The following GGACT variants were observed in gnomAD, a reference collection of about 807,000 sequenced individuals.
The protein encoded by GGACT is gamma-glutamylaminecyclotransferase.
For missense variants in GGACT, 241 were observed against 233.2 expected (o/e 1.03, Z -0.22); for synonymous variants, 118 against 115.3 (o/e 1.02, Z -0.15).
intron 2 of GGACT, among the ~76,000 whole-genome samples, chr13:100,562,678 C>A (rs893944994): frequency 5.9e-5 from 9 of 152,072 alleles, no homozygotes. Flanking sequence ...TGCCGGTAAT[C>A]CCAGCTACTT....
chr13:100,570,497 G>A (rs1478206464), intron 2 of GGACT, among the ~76,000 whole-genome samples: 8 of 152,192 alleles, frequency 5.3e-5, no homozygotes, highest in Non-Finnish European at 1.0e-4. Flanking sequence ...CCGCTGCCAT[G>A]ATTCAGTTAT....
Position 100,531,240 on chromosome 13 carries a change from C to T in GGACT, c.*890G>A, listed in dbSNP as rs1393376044. 6.8e-6 allele frequency: 1 copy of T among 147,324 alleles called. No homozygotes were observed. Among genetic ancestry groups the T allele is most frequent in the African/African-American group, 2.5e-5 (1 of 39,836 alleles). 9.1% of individuals were successfully genotyped at this position (147,324 alleles called of 1,614,324 possible). A position where few individuals can be genotyped will look rare whatever the true frequency, so the allele number is the denominator to read the frequency against. ...GGTGGGTAGTAATTGGTACTTCGTG[C>T]CTTGCTAAAATTATTTTAAGTGCTG... On this transcript the variant is annotated 3_prime_UTR_variant, in exon 3 of 3. Transcript: ENST00000683975.
chr13:100,585,946 G>A (rs1398019686), intron 1 of GGACT, among the ~76,000 whole-genome samples: 1 of 151,324 alleles, frequency 6.6e-6, no homozygotes, highest in Non-Finnish European at 1.5e-5. Flanking sequence ...CGAGGTTACA[G>A]TGAGCCATGA....
chr13:100,570,419 G>T (rs1240074995), intron 2 of GGACT, among the ~76,000 whole-genome samples: 1 of 152,136 alleles, frequency 6.6e-6, no homozygotes, highest in Admixed American at 6.5e-5. Flanking sequence ...CCCATGAAGG[G>T]GGAAGCCCCT....
intron 2 of GGACT, among the ~76,000 whole-genome samples, chr13:100,560,784 T>C (rs1404975110): frequency 6.6e-6 from 1 of 152,260 alleles, no homozygotes; most frequent in Non-Finnish European, 1.5e-5. Flanking sequence ...GCCAAGGTTT[T>C]TGGTGTCAGT....
At chr13:100,588,208 A>C (rs988648768) in intron 1 of GGACT, among the ~76,000 whole-genome samples, 1 of 152,216 alleles carries the variant, frequency 6.6e-6, no homozygotes, top group Non-Finnish European at 1.5e-5. Context: ...CAAGGCAGTA[A>C]ATTTCTTCAA....
Position 100,530,207 on chromosome 13 carries a change from C to T in GGACT, c.*1923G>A. On this transcript the variant is annotated 3_prime_UTR_variant, in exon 3 of 3. Coordinates refer to ENST00000683975, the MANE Select transcript of GGACT (RefSeq NM_001195087.2). ...TCAGTCATCACCCAATTTAATTAGC[C>T]ATTTGCATGATGCTTTCACACACAA... The T allele has an allele frequency of 6.9e-7, 1 of 1,451,650 alleles. No individual in the cohort carries two copies. The highest frequency in any genetic ancestry group is 9.7e-7 in the Non-Finnish European group (1 of 1,032,280). The allele number at this position is 1,451,650 out of a possible 1,614,324, so 89.9% of individuals were successfully genotyped here. A position where few individuals can be genotyped will look rare whatever the true frequency, so the allele number is the denominator to read the frequency against.
At chr13:100,572,457 T>A (rs1166726478) in intron 2 of GGACT, among the ~76,000 whole-genome samples, 1 of 152,208 alleles carries the variant, frequency 6.6e-6, no homozygotes, top group Non-Finnish European at 1.5e-5. Flanking sequence ...ATGAAAATGT[T>A]CTCAAGGTTG....
chr13:100,538,015 T>G (rs1034356345), intron 2 of GGACT: 1 of 152,266 alleles, frequency 6.6e-6, no homozygotes, highest in African/African-American at 2.4e-5. Flanking sequence ...TCTGGGACCT[T>G]GCTTACCGAC....
intron 2 of GGACT, chr13:100,540,093 G>A: frequency 6.5e-7 from 1 of 1,542,356 alleles, no homozygotes; most frequent in South Asian, 1.1e-5. Flanking sequence ...CTTCAGAAAT[G>A]TCCCTGACTG....
chr13:100,585,545 A>G (rs553917730), intron 1 of GGACT, among the ~76,000 whole-genome samples: 213 of 152,186 alleles, frequency 1.4e-3, no homozygotes, highest in African/African-American at 4.8e-3. Context: ...AGGCAGGTGG[A>G]TCACTTGAGT....
chr13:100,530,393 C>G lies in GGACT; in HGVS notation c.*1737G>C. 1 of 601,610 alleles carries G rather than the reference C, an allele frequency of 1.7e-6. No homozygotes were observed. Among genetic ancestry groups the G allele is most frequent in the Non-Finnish European group, 3.0e-6 (1 of 337,722 alleles). The allele number at this position is 601,610 out of a possible 1,614,324, so 37.3% of individuals were successfully genotyped here. A position where few individuals can be genotyped will look rare whatever the true frequency, so the allele number is the denominator to read the frequency against. On this transcript the variant is annotated 3_prime_UTR_variant, in exon 3 of 3. Coordinates refer to ENST00000683975, the MANE Select transcript of GGACT (RefSeq NM_001195087.2). The stretch of plus-strand genomic sequence containing the variant: ...ATTTGTACTTCTGCTGTGAGATTCC[C>G]TAGTGTCAAAATTAAATCAATAAAA...
At chr13:100,570,278 T>C (rs1875041312) in intron 2 of GGACT, among the ~76,000 whole-genome samples, 1 of 152,142 alleles carries the variant, frequency 6.6e-6, no homozygotes, top group Non-Finnish European at 1.5e-5. Context: ...GACTGGGTAA[T>C]TTATAAAAGG....
At chr13:100,571,983 G>A (rs1875095749) in intron 2 of GGACT, among the ~76,000 whole-genome samples, 2 of 152,060 alleles carry the variant, frequency 1.3e-5, no homozygotes, top group South Asian at 4.1e-4. Context: ...CTAGTTATCT[G>A]GTATGGTTGA....
intron 2 of GGACT, among the ~76,000 whole-genome samples, chr13:100,575,785 A>G (rs1004081530): frequency 2.6e-5 from 4 of 152,164 alleles, no homozygotes; most frequent in Non-Finnish European, 4.4e-5. Context: ...AAACACTACA[A>G]TGGTGTTTGC....
Position 100,530,260 on chromosome 13 carries a change from C to T in GGACT, c.*1870G>A, listed in dbSNP as rs1245226855. ...GATTCAAGCATTATACAGGAACACC[C>T]CTGTGCAGCTACGTTTACGTCGTCA... On this transcript the variant is annotated 3_prime_UTR_variant, in exon 3 of 3. Transcript: ENST00000683975. 3 of 992,020 alleles carry T rather than the reference C, an allele frequency of 3.0e-6. No individual in the cohort carries two copies. The South Asian group carries it at 4.0e-5, about 13-fold the overall frequency. The allele number at this position is 992,020 out of a possible 1,614,324, so 61.5% of individuals were successfully genotyped here. A position where few individuals can be genotyped will look rare whatever the true frequency, so the allele number is the denominator to read the frequency against.
intron 2 of GGACT, among the ~76,000 whole-genome samples, chr13:100,548,289 T>C (rs1326500871): frequency 6.6e-6 from 1 of 152,242 alleles, no homozygotes; most frequent in Admixed American, 6.5e-5. Flanking sequence ...AAAATATATA[T>C]TAGTGTTTTG....
At chr13:100,584,468 C>T (rs1451393004) in intron 1 of GGACT, among the ~76,000 whole-genome samples, 1 of 151,646 alleles carries the variant, frequency 6.6e-6, no homozygotes, top group African/African-American at 2.4e-5. Flanking sequence ...TGATGGTTAC[C>T]AGAGGCTAGG....
chr13:100,564,302 A>G (rs2088791288), intron 2 of GGACT, among the ~76,000 whole-genome samples: 1 of 152,226 alleles, frequency 6.6e-6, no homozygotes, highest in Non-Finnish European at 1.5e-5. Context: ...AAGAGGATTC[A>G]TGATGCTCTG....
Sources: gnomAD v4.1 joint callset for allele counts (sites outside exome capture counted in the v4.1 genomes callset) on GRCh38, gnomAD v4.1.1 for gene constraint, MANE v1.5 for transcripts, NCBI Gene and HGNC (gene_info 2026-07-23, HGNC 2026-07-21) for gene names.